Variants in GALNT13 observed in about 807,000 individuals in gnomAD.
The protein encoded by GALNT13 is polypeptide N-acetylgalactosaminyltransferase 13.
GALNT13 carries 28 observed loss-of-function variants against 64.2 expected under a neutral mutation model. The observed-to-expected ratio is 0.44, with a 90% CI of 0.32 to 0.60. The LOEUF (loss-of-function observed/expected upper bound fraction) is 0.60. Among genes scored for constraint, GALNT13 ranks in the 20% least tolerant of loss-of-function variants. The probability of loss-of-function intolerance (pLI) is 0.05; values close to 1 mark genes in which losing one functional copy is unlikely to be tolerated. For missense variants in GALNT13, 577 were observed against 669.8 expected (o/e 0.86, Z 1.53); for synonymous variants, 214 against 224.6 (o/e 0.95, Z 0.42).
intron 3 of GALNT13, among the ~76,000 whole-genome samples, chr2:154,115,461 C>T (rs972877943): frequency 6.6e-6 from 1 of 151,944 alleles, no homozygotes; most frequent in Non-Finnish European, 1.5e-5. Context: ...CCCTCTGACA[C>T]CCAGGCTAGA....
intron 3 of GALNT13, among the ~76,000 whole-genome samples, chr2:154,132,861 C>T (rs183210963): frequency 2.0e-5 from 3 of 148,900 alleles, no homozygotes; most frequent in African/African-American, 7.4e-5. Flanking sequence ...CGCCATGGCA[C>T]TCCAGCCTGG....
chr2:153,491,351 C>T, the GALNT13 span, among the ~76,000 whole-genome samples: 2 of 151,894 alleles, frequency 1.3e-5, no homozygotes, highest in Admixed American at 6.6e-5. Flanking sequence ...GAGCTAATAA[C>T]GTACCACATT....
chr2:153,951,886 T>C (rs1692211479), intron 3 of GALNT13, among the ~76,000 whole-genome samples: 1 of 152,146 alleles, frequency 6.6e-6, no homozygotes. Context: ...ATTTTACACA[T>C]CAATTATTGA....
chr2:153,791,741 C>A, the GALNT13 span, among the ~76,000 whole-genome samples: 1 of 151,966 alleles, frequency 6.6e-6, no homozygotes, highest in Admixed American at 6.6e-5. Context: ...TACTATGCAG[C>A]CATAAAAAAG....
At chr2:153,132,281 C>G in the GALNT13 span, among the ~76,000 whole-genome samples, 1 of 152,086 alleles carries the variant, frequency 6.6e-6, no homozygotes, top group East Asian at 1.9e-4. Context: ...AGAGAAAAAC[C>G]CAGTTGCTCT....
intron 9 of GALNT13, among the ~76,000 whole-genome samples, chr2:154,377,060 A>C (rs1289931657): frequency 6.6e-6 from 1 of 152,172 alleles, no homozygotes; most frequent in Non-Finnish European, 1.5e-5. Context: ...ATATCTTTAT[A>C]ATTCTACCTG....
intron 9 of GALNT13, among the ~76,000 whole-genome samples, chr2:154,355,740 C>G (rs148634675): frequency 2.0e-4 from 31 of 152,122 alleles, no homozygotes; most frequent in African/African-American, 7.0e-4. Context: ...TGAGTACTTT[C>G]CCAATACCCA....
the GALNT13 span, among the ~76,000 whole-genome samples, chr2:153,543,374 A>G: frequency 6.6e-6 from 1 of 152,342 alleles, no homozygotes; most frequent in South Asian, 2.1e-4. Context: ...AGAGCTAGAG[A>G]CTCAGTGAAA....
chr2:153,136,088 C>T, the GALNT13 span, among the ~76,000 whole-genome samples: 2 of 152,126 alleles, frequency 1.3e-5, no homozygotes, highest in South Asian at 2.1e-4. Context: ...GAGATAATTG[C>T]CTGATAGGGA....
the GALNT13 span, among the ~76,000 whole-genome samples, chr2:153,275,801 C>T: frequency 1.3e-5 from 2 of 151,826 alleles, no homozygotes; most frequent in Non-Finnish European, 2.9e-5. Flanking sequence ...TTTTCCATGG[C>T]AGATTACAAG....
chr2:153,395,412 C>A, the GALNT13 span, among the ~76,000 whole-genome samples: 1 of 152,078 alleles, frequency 6.6e-6, no homozygotes, highest in Non-Finnish European at 1.5e-5. Context: ...CTGTTGTGAT[C>A]CTTTCAAACG....
chr2:153,344,528 G>A, the GALNT13 span, among the ~76,000 whole-genome samples: 14 of 152,228 alleles, frequency 9.2e-5, no homozygotes, highest in African/African-American at 3.4e-4. Flanking sequence ...GCCTCATTCT[G>A]TCACCAGGCT....
chr2:153,843,955 G>T, the GALNT13 span, among the ~76,000 whole-genome samples: 1 of 152,334 alleles, frequency 6.6e-6, no homozygotes, highest in Admixed American at 6.5e-5. Context: ...CTGTGGCTTT[G>T]CAGGGGCACC....
chr2:154,016,579 G>A (rs916760579), intron 3 of GALNT13, among the ~76,000 whole-genome samples: 1 of 151,994 alleles, frequency 6.6e-6, no homozygotes, highest in Non-Finnish European at 1.5e-5. Flanking sequence ...CACCATGCCT[G>A]GCTAACTTCT....
At chr2:153,916,888 A>G (rs1689388023) in intron 2 of GALNT13, among the ~76,000 whole-genome samples, 1 of 152,194 alleles carries the variant, frequency 6.6e-6, no homozygotes, top group Admixed American at 6.5e-5. Context: ...TATACTTTGA[A>G]TTAAACTGAA....
At chr2:153,902,561 G>C (rs1016531239) in intron 2 of GALNT13, among the ~76,000 whole-genome samples, 1 of 152,012 alleles carries the variant, frequency 6.6e-6, no homozygotes, top group Non-Finnish European at 1.5e-5. Flanking sequence ...ATTGCAGTTG[G>C]AAGACTTGTT....
chr2:153,537,586 G>A, the GALNT13 span, among the ~76,000 whole-genome samples: 18 of 152,118 alleles, frequency 1.2e-4, no homozygotes, highest in Non-Finnish European at 2.5e-4. Context: ...TGGTTTGGCT[G>A]TGTCTCCACC....
intron 1 of GALNT13, among the ~76,000 whole-genome samples, chr2:153,897,489 T>C (rs1272467471): frequency 6.6e-6 from 1 of 152,134 alleles, no homozygotes; most frequent in Non-Finnish European, 1.5e-5. Flanking sequence ...TTATTGATGA[T>C]GTTGTCTTTG....
At chr2:153,083,248 G>T in the GALNT13 span, among the ~76,000 whole-genome samples, 29,927 of 152,032 alleles carry the variant, frequency 0.2, 3,293 homozygotes, top group Non-Finnish European at 0.26. Flanking sequence ...TGAATGAAAA[G>T]GTAGTTTTAC....
Sources: gnomAD v4.1 joint callset for allele counts (sites outside exome capture counted in the v4.1 genomes callset) on GRCh38, gnomAD v4.1.1 for gene constraint, MANE v1.5 for transcripts, NCBI Gene and HGNC (gene_info 2026-07-23, HGNC 2026-07-21) for gene names.